Variants in DOCK1 observed in about 807,000 individuals in gnomAD.
DOCK1 encodes dedicator of cytokinesis protein 1.
A neutral mutation model predicts 262.7 loss-of-function variants in DOCK1; 138 were observed. The ratio of observed to expected loss-of-function variants is 0.53; its 90% CI spans 0.46 to 0.61. DOCK1 has a LOEUF of 0.61. Ranked by LOEUF, DOCK1 falls within the 20% of genes least tolerant of loss-of-function variation. The pLI is 0.00. For synonymous variants in DOCK1, 866 were observed against 867.4 expected (o/e 1.00, Z 0.03); for missense variants, 1,908 against 2,370.7 (o/e 0.80, Z 4.05).
intron 23 of DOCK1, among the ~76,000 whole-genome samples, chr10:127,089,817 G>T (rs1231908487): frequency 6.6e-6 from 1 of 152,214 alleles, no homozygotes; most frequent in Non-Finnish European, 1.5e-5. Context: ...TCCTTTGGAG[G>T]AGAAAAGATT....
intron 1 of DOCK1, among the ~76,000 whole-genome samples, chr10:126,906,241 T>A (rs2030791653): frequency 6.6e-6 from 1 of 152,156 alleles, no homozygotes; most frequent in African/African-American, 2.4e-5. Context: ...CTTTGTCGCT[T>A]CCGAGGGGGG....
chr10:127,273,472 G>A lies in DOCK1; in HGVS notation c.3044+16043G>A, dbSNP rs558728281. Among the ~76,000 whole-genome samples, 3 of 152,320 alleles carry A rather than the reference G, an allele frequency of 2.0e-5. No individual in the cohort carries two copies. In the South Asian group the frequency reaches 6.2e-4, roughly 32 times the overall value. Reference sequence around the variant, plus strand: ...TCCCCAGTGTCCCTTGGACTATGGGGCCAGGCATCTGATTTGATTCTTCAA... The same window carrying A: ...TCCCCAGTGTCCCTTGGACTATGGGACCAGGCATCTGATTTGATTCTTCAA... On this transcript the variant is annotated intron_variant, in intron 29 of 51. Coordinates refer to ENST00000623213, the MANE Select transcript of DOCK1 (RefSeq NM_001290223.2).
chr10:126,965,312 T>G (rs2037581924), intron 1 of DOCK1, among the ~76,000 whole-genome samples: 1 of 152,116 alleles, frequency 6.6e-6, no homozygotes, highest in Admixed American at 6.5e-5. Flanking sequence ...GAGGAGCGTG[T>G]GGCAGGCCTG....
intron 22 of DOCK1, among the ~76,000 whole-genome samples, chr10:127,056,838 A>G (rs764206572): frequency 2.6e-5 from 4 of 152,176 alleles, no homozygotes; most frequent in Non-Finnish European, 4.4e-5. Context: ...AAATACTTCA[A>G]TTTAAATCTG....
intron 48 of DOCK1, among the ~76,000 whole-genome samples, chr10:127,435,637 G>T (rs1224761863): frequency 6.6e-6 from 1 of 152,184 alleles, no homozygotes; most frequent in Admixed American, 6.5e-5. Context: ...GAACATAGGG[G>T]TTAGGGTGGA....
intron 27 of DOCK1, among the ~76,000 whole-genome samples, chr10:127,231,217 C>T (rs1008222248): frequency 1.9e-4 from 29 of 148,928 alleles, no homozygotes; most frequent in African/African-American, 2.5e-4. Context: ...CTCTCTTTAG[C>T]GAATGGGTAG....
intron 27 of DOCK1, among the ~76,000 whole-genome samples, chr10:127,190,541 T>A (rs2056645199): frequency 6.6e-6 from 1 of 151,640 alleles, no homozygotes; most frequent in Admixed American, 6.6e-5. Flanking sequence ...TTCATCCAAT[T>A]TCCTCCTATT....
At chr10:127,390,803 G>A (rs958421246) in intron 38 of DOCK1, among the ~76,000 whole-genome samples, 4 of 152,172 alleles carry the variant, frequency 2.6e-5, no homozygotes, top group Non-Finnish European at 4.4e-5. Context: ...ATTTCATGTT[G>A]AAATAGTAAT....
chr10:127,162,412 A>G lies in DOCK1; in HGVS notation c.2847+34648A>G, dbSNP rs142854882. 6.9e-3 allele frequency among the ~76,000 whole-genome samples: 1,053 copies of G among 152,318 alleles called. 4 individuals carry two copies. Among genetic ancestry groups the G allele is most frequent in the African/African-American group, 0.015 (639 of 41,572 alleles). On this transcript the variant is annotated intron_variant, in intron 27 of 51. Coordinates refer to ENST00000623213, the MANE Select transcript of DOCK1 (RefSeq NM_001290223.2). ...TAGCATTCTAATGCTGAATCTCCAT[A>G]TAGATTAAAGGATTTTGAGGGCTAC...
intron 35 of DOCK1, among the ~76,000 whole-genome samples, chr10:127,375,469 A>AC (rs2065437601): frequency 1.3e-5 from 2 of 152,204 alleles, no homozygotes; most frequent in South Asian, 4.1e-4. Flanking sequence ...TGCCACATCC[A>AC]CCCCTTGTGT....
At position 127,175,735 on chromosome 10, in the gene DOCK1, C is replaced by T. The variant is rs142627987; in HGVS notation, c.2847+47971C>T. 1.2e-4 allele frequency: 194 copies of T among 1,614,078 alleles called. 1 individual carries two copies. The African/African-American group carries it at 1.5e-3, about 12-fold the overall frequency. ...TTGGCCCTCCCGAGCAGCTGGTAAT[C>T]GGGCTCTTCGGATGGAGGCCGAGTG... On this transcript the variant is annotated intron_variant, in intron 27 of 51. Transcript: ENST00000623213. This position sits in a 1 kb window ranked among gnomAD's most constrained non-coding sequence, Gnocchi z 6.3.
chr10:127,065,448 A>G (rs943393004), intron 23 of DOCK1, among the ~76,000 whole-genome samples: 1 of 152,080 alleles, frequency 6.6e-6, no homozygotes, highest in Non-Finnish European at 1.5e-5. Flanking sequence ...CTGTCCCTGG[A>G]TAGAGGCTCG....
intron 13 of DOCK1, 74 bp from the exon 14 acceptor site, chr10:127,023,126 A>G: frequency 6.6e-7 from 1 of 1,519,618 alleles, no homozygotes; most frequent in Non-Finnish European, 9.0e-7. Flanking sequence ...GGATAGGTAG[A>G]CAGTCTTGCA....
At chr10:127,153,488 C>T (rs564561049) in intron 27 of DOCK1, among the ~76,000 whole-genome samples, 7 of 152,332 alleles carry the variant, frequency 4.6e-5, no homozygotes, top group Admixed American at 2.0e-4. Context: ...CTAGCACATA[C>T]GGTGTGCTTT....
chr10:126,972,957 T>A (rs2038226398), intron 2 of DOCK1, among the ~76,000 whole-genome samples: 1 of 151,658 alleles, frequency 6.6e-6, no homozygotes, highest in South Asian at 2.1e-4. Flanking sequence ...TTATCTCCTC[T>A]CAGTATATAC....
chr10:127,387,858 C>CTTT (rs5788840), intron 38 of DOCK1, among the ~76,000 whole-genome samples: 28 of 147,826 alleles, frequency 1.9e-4, no homozygotes, highest in East Asian at 6.0e-4. Flanking sequence ...AAAACAGAGT[C>CTTT]TTTTTTTTTT....
chr10:127,262,946 G>T (rs2060226601), intron 29 of DOCK1, among the ~76,000 whole-genome samples: 1 of 152,164 alleles, frequency 6.6e-6, no homozygotes, highest in Non-Finnish European at 1.5e-5. Context: ...GAGCTGGGCG[G>T]TGTTAGTGCC....
At chr10:126,915,917 T>C (rs987744502) in intron 1 of DOCK1, among the ~76,000 whole-genome samples, 11 of 152,212 alleles carry the variant, frequency 7.2e-5, no homozygotes, top group African/African-American at 2.7e-4. Flanking sequence ...TTTAAGTGTT[T>C]TTTGTCTTTA....
At chr10:126,998,699 G>T (rs1378726607) in intron 8 of DOCK1, 1 of 161,130 alleles carries the variant, frequency 6.2e-6, no homozygotes, top group African/African-American at 2.4e-5. Flanking sequence ...ATTTAGAATG[G>T]TGCCTGCCAC....
Sources: allele counts gnomAD v4.1 joint callset (sites outside exome capture counted in the v4.1 genomes callset), GRCh38; gene constraint gnomAD v4.1.1; non-coding constraint Gnocchi (gnomAD v3.1); transcripts MANE v1.5; gene names NCBI Gene and HGNC (gene_info 2026-07-23, HGNC 2026-07-21).